The following LONRF1 variants were observed in gnomAD, a reference collection of about 807,000 sequenced individuals.
LONRF1 encodes LON peptidase N-terminal domain and RING finger protein 1.
In LONRF1, 37 loss-of-function variants were observed where a neutral mutation model predicts 85.8. That is an observed-to-expected ratio of 0.43 (90% confidence interval 0.33 to 0.57). The LOEUF (loss-of-function observed/expected upper bound fraction) is 0.57. LONRF1 is among the 20% of genes least tolerant of loss of function. The pLI is 0.04. For missense variants in LONRF1, 1,036 were observed against 978.0 expected (o/e 1.06, Z -0.79); for synonymous variants, 517 against 390.1 (o/e 1.33, Z -3.83).
chr8:12,725,671 T>C, intron 11 of LONRF1, 56 bp downstream of exon 11: 1 of 1,546,762 alleles, frequency 6.5e-7, no homozygotes, highest in Non-Finnish European at 8.8e-7. Flanking sequence ...TGTAGAAGTG[T>C]GCAAATTTGG....
chr8:12,755,502 G>GGCCCGCC lies in LONRF1; in HGVS notation c.-83_-82insGGCGGGC. The GGCCCGCC allele has an allele frequency of 2.9e-6, 2 of 688,426 alleles. No homozygotes were observed. The highest frequency in any genetic ancestry group is 3.6e-6 in the Non-Finnish European group (2 of 556,572). 42.6% of individuals were successfully genotyped at this position (688,426 alleles called of 1,614,324 possible). A position where few individuals can be genotyped will look rare whatever the true frequency, so the allele number is the denominator to read the frequency against. On this transcript the variant is annotated 5_prime_UTR_variant, in exon 1 of 12. Transcript: ENST00000398246. The stretch of plus-strand genomic sequence containing the variant: ...GCGCGCGGCTCCGCACGCGGCCCGC[G>GGCCCGCC]AGCAGGGGGGCGTGGCGCGCGGACA...
At chr8:12,746,632 C>G (rs1799165712) in intron 1 of LONRF1, among the ~76,000 whole-genome samples, 1 of 152,144 alleles carries the variant, frequency 6.6e-6, no homozygotes, top group African/African-American at 2.4e-5. Context: ...TATTCCGGGG[C>G]TTTTAAAACA....
At chr8:12,738,481 C>T (rs1798806881) in intron 3 of LONRF1, among the ~76,000 whole-genome samples, 1 of 152,082 alleles carries the variant, frequency 6.6e-6, no homozygotes, top group Non-Finnish European at 1.5e-5. Context: ...CTTAGTGAGC[C>T]CTATGCTATC....
intron 1 of LONRF1, chr8:12,754,415 G>A: frequency 3.5e-6 from 1 of 286,270 alleles, no homozygotes; most frequent in Non-Finnish European, 6.4e-6. Context: ...CGCGCCGGGA[G>A]CGCGCGCCCG....
chr8:12,742,239 A>C (rs1798963986), intron 2 of LONRF1, among the ~76,000 whole-genome samples: 8 of 152,216 alleles, frequency 5.3e-5, no homozygotes, highest in Admixed American at 5.2e-4. Context: ...ATTAATTTAT[A>C]CTTTTTAGAG....
Position 12,729,300 on chromosome 8 carries a change from G to A in LONRF1, c.1721C>T (p.Thr574Ile). 1 of 1,613,808 alleles carries A rather than the reference G, an allele frequency of 6.2e-7. No individual in the cohort carries two copies. ...LTKNVPIFVC[T>I]MAYPTVPCPL... ...GCAAGGCACAGTGGGGTAGGCCATA[G>A]TGCAAACAAATATTGGAACATTCTT... The change falls in exon 9 of 12, where the codon ACT becomes ATT. Residue 574 changes from threonine (T) to isoleucine (I), a missense_variant. By Grantham distance (89) the Thr-to-Ile change is moderately conservative. Transcript: ENST00000398246.
chr8:12,727,035 T>C (rs1798336483), intron 10 of LONRF1, among the ~76,000 whole-genome samples: 1 of 151,346 alleles, frequency 6.6e-6, no homozygotes, highest in South Asian at 2.1e-4. Context: ...TGAAGAATTT[T>C]GGTCCTGAAA....
intron 4 of LONRF1, among the ~76,000 whole-genome samples, chr8:12,737,784 T>C (rs1287221871): frequency 6.6e-6 from 1 of 152,194 alleles, no homozygotes; most frequent in Non-Finnish European, 1.5e-5. Flanking sequence ...AAGTTTTCTT[T>C]CACGGGACCT....
intron 1 of LONRF1, among the ~76,000 whole-genome samples, chr8:12,750,739 T>A (rs991902542): frequency 3.9e-5 from 6 of 152,232 alleles, no homozygotes; most frequent in African/African-American, 1.4e-4. Flanking sequence ...TATAGTTTAT[T>A]GATGAATGCT....
intron 4 of LONRF1, among the ~76,000 whole-genome samples, chr8:12,737,647 A>G (rs984630239): frequency 6.6e-6 from 1 of 152,160 alleles, no homozygotes. Context: ...GACTGTACTT[A>G]CACAGCCCTA....
At chr8:12,733,610 T>C (rs1798610952) in intron 7 of LONRF1, among the ~76,000 whole-genome samples, 1 of 152,100 alleles carries the variant, frequency 6.6e-6, no homozygotes, top group Non-Finnish European at 1.5e-5. Flanking sequence ...TCATAATATC[T>C]TCGATTACAT....
intron 10 of LONRF1, among the ~76,000 whole-genome samples, chr8:12,726,279 AAAGAT>A (rs772710472): frequency 3.1e-4 from 47 of 152,356 alleles, no homozygotes; most frequent in Non-Finnish European, 5.3e-4. Context: ...CAAAAAAAGA[AAAGAT>A]AAGTAGTTAG....
intron 1 of LONRF1, among the ~76,000 whole-genome samples, chr8:12,744,127 G>A (rs527868090): frequency 6.6e-6 from 1 of 152,176 alleles, no homozygotes; most frequent in Non-Finnish European, 1.5e-5. Flanking sequence ...CTATCTTTGA[G>A]ATCTTTAAAA....
intron 1 of LONRF1, among the ~76,000 whole-genome samples, chr8:12,751,294 A>ATGTTTTTTTTT (rs1554469320): frequency 2.0e-4 from 17 of 84,810 alleles, no homozygotes; most frequent in East Asian, 3.9e-4. Flanking sequence ...TTTTATTTTT[A>ATGTTTTTTTTT]TGTTTTTTTT....
chr8:12,740,297 C>G (rs1248819371), intron 3 of LONRF1, among the ~76,000 whole-genome samples: 1 of 152,170 alleles, frequency 6.6e-6, no homozygotes, highest in African/African-American at 2.4e-5. Context: ...ATATCAAAAG[C>G]TATGAAACGT....
rs1798748306 is a variant in LONRF1 at position 12,737,096 on chromosome 8, G to A, written c.1158C>T (p.Ser386=). ...PEVTSEPVKG[S]LNRAQSAQSI... ...ACTGTGCTGACTGAGCACGGTTTAA[G>A]CTTCCTTTGACAGGCTCTGAAGTGA... The change falls in exon 5 of 12, where the codon AGC becomes AGT. Residue 386 remains serine (S), a synonymous_variant. Transcript: ENST00000398246. The A allele has an allele frequency of 2.5e-6, 4 of 1,613,398 alleles. No individual in the cohort carries two copies. In the East Asian group the frequency reaches 8.9e-5, roughly 36 times the overall value.
intron 2 of LONRF1, 46 bp downstream of exon 2, chr8:12,743,118 T>C (rs370737333): frequency 1.1e-5 from 13 of 1,227,924 alleles, no homozygotes; most frequent in African/African-American, 1.0e-4. Flanking sequence ...ATGTCCCTTA[T>C]AGTTAAAATT....
At chr8:12,724,064 G>C (rs947629880) in intron 11 of LONRF1, among the ~76,000 whole-genome samples, 5 of 152,190 alleles carry the variant, frequency 3.3e-5, no homozygotes, top group Admixed American at 2.0e-4. Flanking sequence ...GCTGATCTCA[G>C]TAGGCCCCTC....
intron 1 of LONRF1, among the ~76,000 whole-genome samples, 174 bp from the exon 2 acceptor site, chr8:12,743,456 C>G (rs1799020347): frequency 6.6e-6 from 1 of 152,116 alleles, no homozygotes; most frequent in Non-Finnish European, 1.5e-5. Flanking sequence ...CGTGTTGAAT[C>G]TTATCTAGAA....
Sources: allele counts gnomAD v4.1 joint callset (sites outside exome capture counted in the v4.1 genomes callset), GRCh38; gene constraint gnomAD v4.1.1; transcripts MANE v1.5; gene names NCBI Gene and HGNC (gene_info 2026-07-23, HGNC 2026-07-21).